PIAS4: variants seen among roughly 807,000 people sequenced by gnomAD.
PIAS4 encodes protein inhibitor of activated STAT 4, also known as E3 SUMO-protein ligase PIAS4.
A neutral mutation model predicts 58.0 loss-of-function variants in PIAS4; 7 were observed. The ratio of observed to expected loss-of-function variants is 0.12; its 90% CI spans 0.07 to 0.23. PIAS4 has a LOEUF of 0.23. PIAS4 is among the 10% of genes least tolerant of loss of function. The pLI is 1.00. For synonymous variants in PIAS4, 364 were observed against 312.4 expected (o/e 1.17, Z -1.74); for missense variants, 550 against 709.5 (o/e 0.78, Z 2.55).
intron 7 of PIAS4, among the ~76,000 whole-genome samples, chr19:4,031,772 C>T (rs2040225250): frequency 6.6e-6 from 1 of 152,212 alleles, no homozygotes; most frequent in African/African-American, 2.4e-5. Flanking sequence ...CTTGCTGCAC[C>T]TAGGAAGTCC....
chr19:4,018,991 C>T (rs767732445), intron 2 of PIAS4, among the ~76,000 whole-genome samples: 16 of 152,002 alleles, frequency 1.1e-4, no homozygotes, highest in Non-Finnish European at 2.4e-4. Flanking sequence ...TACTGAGGGT[C>T]AGGGGTCTCC....
intron 9 of PIAS4, among the ~76,000 whole-genome samples, chr19:4,036,765 T>C (rs938577605): frequency 2.1e-5 from 3 of 146,068 alleles, no homozygotes; most frequent in Admixed American, 6.8e-5. Flanking sequence ...CTATATGGTC[T>C]ACACCGTCAC....
intron 7 of PIAS4, among the ~76,000 whole-genome samples, chr19:4,030,114 G>A (rs1250438356): frequency 3.3e-5 from 5 of 150,990 alleles, no homozygotes; most frequent in African/African-American, 4.9e-5. Flanking sequence ...GAGCCACCAC[G>A]CCCGGCCCCA....
intron 9 of PIAS4, among the ~76,000 whole-genome samples, chr19:4,035,485 C>T (rs1184012731): frequency 1.3e-5 from 2 of 152,148 alleles, no homozygotes; most frequent in Non-Finnish European, 2.9e-5. Flanking sequence ...GCCTCTGTTT[C>T]TGCATTTGTA....
In PIAS4 at chr19:4,013,126, G is replaced by C. The variant is rs757949859; in HGVS notation, c.231G>C (p.Pro77=). The C allele has an allele frequency of 6.2e-7, 1 of 1,613,332 alleles. No homozygotes were observed. The highest frequency in any genetic ancestry group is 8.5e-7 in the Non-Finnish European group (1 of 1,179,988). The change falls in exon 2 of 11, where the codon CCG becomes CCC. Residue 77 remains proline, a synonymous_variant. Transcript: ENST00000262971. This position sits in a 1 kb window ranked among gnomAD's most constrained non-coding sequence, Gnocchi z 5.1. ...AKKNSEPAPQ[P]HRPLDPLTMH... is the part of the protein sequence containing the mutation. The stretch of plus-strand genomic sequence containing the variant: ...AGAACTCGGAGCCTGCCCCACAGCC[G>C]CACCGGCCCCTGGACCCCCTGACCA...
chr19:4,023,390 A>G (rs1599223389), intron 2 of PIAS4, among the ~76,000 whole-genome samples: 2 of 151,578 alleles, frequency 1.3e-5, no homozygotes, highest in South Asian at 4.2e-4. Flanking sequence ...AACCCGGGAG[A>G]CGGAGGTTGC....
intron 9 of PIAS4, among the ~76,000 whole-genome samples, chr19:4,036,927 C>T (rs898357194): frequency 4.3e-5 from 6 of 140,120 alleles, no homozygotes; most frequent in Non-Finnish European, 7.8e-5. Flanking sequence ...TACACATGCT[C>T]ACACACACAC....
intron 3 of PIAS4, among the ~76,000 whole-genome samples, chr19:4,026,514 G>A (rs1255057598): frequency 2.0e-5 from 3 of 151,758 alleles, no homozygotes; most frequent in South Asian, 2.1e-4. Flanking sequence ...GTGGGTTCTC[G>A]TGGATCAGTA....
chr19:4,014,081 C>T (rs899528232), intron 2 of PIAS4, among the ~76,000 whole-genome samples: 3 of 152,164 alleles, frequency 2.0e-5, no homozygotes, highest in Non-Finnish European at 2.9e-5. Context: ...TCTGGTTCCT[C>T]GCTGGCAGCC....
intron 2 of PIAS4, among the ~76,000 whole-genome samples, chr19:4,019,710 C>G (rs1010041765): frequency 3.3e-5 from 5 of 152,148 alleles, no homozygotes; most frequent in South Asian, 2.1e-4. Context: ...AGGGCCCAGC[C>G]GGGACTCCAC....
intron 7 of PIAS4, 32 bp from the exon 8 acceptor site, chr19:4,033,068 T>G: frequency 1.9e-6 from 3 of 1,591,734 alleles, no homozygotes; most frequent in Non-Finnish European, 2.6e-6. Context: ...GTTCCCACCC[T>G]CCTGACGGTG....
intron 2 of PIAS4, among the ~76,000 whole-genome samples, chr19:4,022,961 C>T (rs764835209): frequency 5.0e-4 from 75 of 151,444 alleles, no homozygotes; most frequent in Admixed American, 7.9e-4. Context: ...CACCTGAGGT[C>T]GGGAGTTCGA....
intron 3 of PIAS4, among the ~76,000 whole-genome samples, chr19:4,025,693 T>TTCTCAG (rs1555688804): frequency 2.0e-5 from 3 of 150,566 alleles, no homozygotes; most frequent in Admixed American, 2.0e-4. Context: ...AGCCTCGTCT[T>TTCTCAG]CCTTGTCTAT....
Position 4,013,116 on chromosome 19 carries a change from C to T in PIAS4, c.221C>T (p.Ala74Val), listed in dbSNP as rs2040013134. 2 of 1,613,402 alleles carry T rather than the reference C, an allele frequency of 1.2e-6. No homozygotes were observed. The highest frequency in any genetic ancestry group is 1.7e-6 in the Non-Finnish European group (2 of 1,179,986). ...TACGCCAAGAAGAACTCGGAGCCTG[C>T]CCCACAGCCGCACCGGCCCCTGGAC... ...TRYAKKNSEP[A>V]PQPHRPLDPL... Residue 74 changes from alanine (A) to valine (V), a missense_variant, in exon 2 of 11, where the codon GCC (alanine) becomes GTC (valine). Around this residue, in one of 4 missense-constraint regions of PIAS4, gnomAD observed 95 missense variants for 87.5 expected, o/e 1.09. Transcript: ENST00000262971. The surrounding 1 kb of genome is among the most constrained non-coding windows in gnomAD (Gnocchi z 5.1).
intron 2 of PIAS4, chr19:4,018,466 G>A (rs969912313): frequency 6.6e-6 from 1 of 152,216 alleles, no homozygotes; most frequent in African/African-American, 2.4e-5. Flanking sequence ...CGGGCCCAGG[G>A]GCTGCTTTTC....
chr19:4,035,401 G>C (rs936734102), intron 9 of PIAS4, among the ~76,000 whole-genome samples: 1 of 152,162 alleles, frequency 6.6e-6, no homozygotes, highest in Non-Finnish European at 1.5e-5. Context: ...CTTTGGCTAA[G>C]ACGGGTTGGG....
intron 2 of PIAS4, chr19:4,018,749 G>C (rs8102139): frequency 0.06 from 9,199 of 152,396 alleles, 939 homozygotes; most frequent in African/African-American, 0.21. Flanking sequence ...TTGGAGAAAA[G>C]TGAGGTGGCG....
At chr19:4,035,572 G>A (rs1244033043) in intron 9 of PIAS4, among the ~76,000 whole-genome samples, 1 of 152,092 alleles carries the variant, frequency 6.6e-6, no homozygotes, top group Admixed American at 6.5e-5. Flanking sequence ...GGCTGGCATG[G>A]GCGTGGGGAG....
At chr19:4,033,682 A>G in intron 9 of PIAS4, 102 bp downstream of exon 9, 1 of 969,346 alleles carries the variant, frequency 1.0e-6, no homozygotes, top group Middle Eastern at 2.6e-4. Flanking sequence ...AGCAAGACAC[A>G]GCAGTGGGGG....
Sources: allele counts gnomAD v4.1 joint callset (sites outside exome capture counted in the v4.1 genomes callset), GRCh38; gene constraint gnomAD v4.1.1; regional missense constraint gnomAD v4.1.1; non-coding constraint Gnocchi (gnomAD v3.1); transcripts MANE v1.5; gene names NCBI Gene and HGNC (gene_info 2026-07-23, HGNC 2026-07-21).